Variants in CADPS observed in about 807,000 individuals in gnomAD.
The protein encoded by CADPS is calcium dependent secretion activator, also known as calcium-dependent secretion activator 1.
In CADPS, 57 loss-of-function variants were observed where a neutral mutation model predicts 167.3. That is an observed-to-expected ratio of 0.34 (90% CI 0.28 to 0.42). The LOEUF is 0.42. Ranked by LOEUF, CADPS falls within the 20% of genes least tolerant of loss-of-function variation. CADPS has a pLI of 1.00. For synonymous variants in CADPS, 676 were observed against 635.3 expected (o/e 1.06, Z -0.96); for missense variants, 1,414 against 1,738.1 (o/e 0.81, Z 3.32).
intron 1 of CADPS, among the ~76,000 whole-genome samples, chr3:62,868,770 A>G (rs966540058): frequency 2.0e-5 from 3 of 152,170 alleles, no homozygotes; most frequent in African/African-American, 7.2e-5. Context: ...ATGTAAAAAC[A>G]TACCAAATAC....
chr3:62,673,273 C>T (rs1054547522), intron 3 of CADPS, among the ~76,000 whole-genome samples: 1 of 152,180 alleles, frequency 6.6e-6, no homozygotes, highest in Non-Finnish European at 1.5e-5. Flanking sequence ...TTTTTCCAGG[C>T]ACTTAGTGTG....
chr3:62,592,845 C>A, intron 6 of CADPS, 97 bp from the exon 7 acceptor site: 2 of 787,078 alleles, frequency 2.5e-6, no homozygotes. Flanking sequence ...AGGGTTAACC[C>A]AAGGCAGCAT....
chr3:62,403,112 T>C lies in CADPS; in HGVS notation c.3851A>G (p.Tyr1284Cys). 2 of 1,611,918 alleles carry C rather than the reference T, an allele frequency of 1.2e-6. No homozygotes were observed. The highest frequency in any genetic ancestry group is 1.7e-6 in the Non-Finnish European group (2 of 1,178,116). ...CATCCTAATTAGTGTTTTCAACTGATAAATATGAAGCTGTAAGTCCATCCG... is the reference window on the plus strand; with the variant it reads ...CATCCTAATTAGTGTTTTCAACTGACAAATATGAAGCTGTAAGTCCATCCG... ...TDRMDLQLHI[Y>C]QLKTLIRMVK... The change falls in exon 29 of 30, where the codon TAT (tyrosine) becomes TGT (cysteine). Residue 1284 changes from tyrosine (Y) to cysteine (C), a missense_variant. Transcript: ENST00000383710.
chr3:62,643,302 T>C (rs1391659803), intron 6 of CADPS, among the ~76,000 whole-genome samples: 1 of 152,198 alleles, frequency 6.6e-6, no homozygotes, highest in Non-Finnish European at 1.5e-5. Flanking sequence ...CTCGAACCCT[T>C]CTCAATACAG....
intron 1 of CADPS, among the ~76,000 whole-genome samples, chr3:62,815,862 A>T (rs2094588148): frequency 6.6e-6 from 1 of 152,174 alleles, no homozygotes; most frequent in Non-Finnish European, 1.5e-5. Flanking sequence ...TACTTAAAAG[A>T]AGGAAAGATG....
At chr3:62,862,888 T>C (rs2081060680) in intron 1 of CADPS, among the ~76,000 whole-genome samples, 1 of 152,236 alleles carries the variant, frequency 6.6e-6, no homozygotes, top group Non-Finnish European at 1.5e-5. Flanking sequence ...TTCCAACCAG[T>C]GGGACTTCTC....
intron 11 of CADPS, among the ~76,000 whole-genome samples, chr3:62,538,930 A>G (rs991990231): frequency 6.6e-6 from 1 of 152,166 alleles, no homozygotes; most frequent in African/African-American, 2.4e-5. Context: ...ACAATGGCTC[A>G]ATGAATGCAG....
chr3:62,785,944 G>T (rs975716063), intron 1 of CADPS, among the ~76,000 whole-genome samples: 1 of 149,776 alleles, frequency 6.7e-6, no homozygotes, highest in Non-Finnish European at 1.5e-5. Context: ...CAGGAATGGT[G>T]ACTCAAGCCT....
At chr3:62,423,235 T>G (rs566478260) in intron 28 of CADPS, among the ~76,000 whole-genome samples, 1 of 152,184 alleles carries the variant, frequency 6.6e-6, no homozygotes, top group Non-Finnish European at 1.5e-5. Context: ...AGAGCTTGAG[T>G]CCAGTGACAA....
chr3:62,661,650 G>A (rs6794827), intron 4 of CADPS, among the ~76,000 whole-genome samples: 34,308 of 152,056 alleles, frequency 0.23, 4,528 homozygotes, highest in African/African-American at 0.37. Context: ...TGAGATGTTT[G>A]TATATGAGTT....
chr3:62,451,824 C>T (rs999610934), intron 26 of CADPS, among the ~76,000 whole-genome samples: 3 of 152,104 alleles, frequency 2.0e-5, no homozygotes, highest in Non-Finnish European at 4.4e-5. Context: ...CTGTTTTGCT[C>T]CCTTTTCCAC....
At chr3:62,799,218 C>T (rs1393023096) in intron 1 of CADPS, among the ~76,000 whole-genome samples, 1 of 152,140 alleles carries the variant, frequency 6.6e-6, no homozygotes, top group Non-Finnish European at 1.5e-5. Flanking sequence ...CTGTGCATTT[C>T]TTAAACAAAA....
intron 6 of CADPS, among the ~76,000 whole-genome samples, chr3:62,621,697 C>G (rs994971910): frequency 1.3e-5 from 2 of 151,878 alleles, no homozygotes; most frequent in African/African-American, 4.8e-5. Flanking sequence ...AGATATTAAG[C>G]CTAGTACCCT....
chr3:62,518,372 A>T (rs2069526343), intron 13 of CADPS, 122 bp from the exon 14 acceptor site: 2 of 693,830 alleles, frequency 2.9e-6, no homozygotes, highest in African/African-American at 3.6e-5. Flanking sequence ...ATGTGAGCTC[A>T]GGAGAAGCCC....
intron 26 of CADPS, among the ~76,000 whole-genome samples, chr3:62,453,624 G>A (rs149807816): frequency 4.5e-4 from 68 of 152,306 alleles, no homozygotes; most frequent in Middle Eastern, 6.8e-3. Flanking sequence ...GTGAGTGGGC[G>A]GATGTACTGG....
chr3:62,848,576 G>A (rs1331344775), intron 1 of CADPS, among the ~76,000 whole-genome samples: 1 of 139,944 alleles, frequency 7.1e-6, no homozygotes, highest in African/African-American at 2.7e-5. Context: ...GTTTGTCAAA[G>A]ATCAGATAGT....
At chr3:62,643,456 T>A (rs938643009) in intron 6 of CADPS, among the ~76,000 whole-genome samples, 1 of 152,226 alleles carries the variant, frequency 6.6e-6, no homozygotes, top group South Asian at 2.1e-4. Flanking sequence ...AATGTTTCAA[T>A]GTGAGCTGTT....
At chr3:62,847,122 G>C (rs910375298) in intron 1 of CADPS, among the ~76,000 whole-genome samples, 3 of 152,102 alleles carry the variant, frequency 2.0e-5, no homozygotes, top group African/African-American at 7.2e-5. Context: ...AAGTCCTTTT[G>C]ACAGGACGTT....
intron 7 of CADPS, 28 bp from the exon 8 acceptor site, chr3:62,585,352 G>A: frequency 6.3e-7 from 1 of 1,590,374 alleles, no homozygotes; most frequent in Non-Finnish European, 8.5e-7. Context: ...CAAGCAACTA[G>A]AAAAGAGAAG....
Sources: gnomAD v4.1 joint callset for allele counts (sites outside exome capture counted in the v4.1 genomes callset) on GRCh38, gnomAD v4.1.1 for gene constraint, MANE v1.5 for transcripts, NCBI Gene and HGNC (gene_info 2026-07-23, HGNC 2026-07-21) for gene names.